GABRB2: variants seen among roughly 807,000 people sequenced by gnomAD.
GABRB2 encodes gamma-aminobutyric acid receptor subunit beta-2.
GABRB2 carries 16 observed loss-of-function variants against 54.7 expected under a neutral mutation model. The ratio of observed to expected loss-of-function variants is 0.29; its 90% CI spans 0.20 to 0.44. GABRB2 has a LOEUF of 0.44. GABRB2 is among the 20% of genes least tolerant of loss of function. GABRB2 has a pLI of 1.00. For missense variants in GABRB2, 355 were observed against 644.0 expected (o/e 0.55, Z 4.86); for synonymous variants, 244 against 233.8 (o/e 1.04, Z -0.40).
chr5:161,399,118 A>T (rs917623243), intron 5 of GABRB2, among the ~76,000 whole-genome samples: 2 of 152,212 alleles, frequency 1.3e-5, no homozygotes, highest in African/African-American at 4.8e-5. Context: ...CCAAGCAAAG[A>T]AATGTCCACT....
Position 161,546,375 on chromosome 5 carries a change from G to T in GABRB2, c.116C>A (p.Thr39Lys). The T allele has an allele frequency of 6.2e-7, 1 of 1,614,118 alleles. No individual in the cohort carries two copies. Among genetic ancestry groups the T allele is most frequent in the Non-Finnish European group, 8.5e-7 (1 of 1,179,992 alleles). Residue 39 changes from threonine (T) to lysine (K), a missense_variant, in exon 2 of 10, where the codon ACG becomes AAG. This residue lies in a region of GABRB2 where 42 missense variants were observed against 99.7 expected (regional missense o/e 0.42). Coordinates refer to ENST00000393959, the MANE Select transcript of GABRB2 (RefSeq NM_001371727.1). ...DPSNMSLVKE[T>K]VDRLLKGYDI... ...ATAGCCTTTCAGGAGTCTATCCACC[G>T]TCTCTTTAACCAGCGACATATTACT...
intron 3 of GABRB2, among the ~76,000 whole-genome samples, chr5:161,490,597 C>T (rs1759070430): frequency 6.6e-6 from 1 of 151,674 alleles, no homozygotes; most frequent in African/African-American, 2.4e-5. Flanking sequence ...TACTGTCTAC[C>T]CAGCCCATAA....
rs150909822 is a variant in GABRB2 at position 161,520,250 on chromosome 5, A to G, written c.237+24977T>C. 8.5e-4 allele frequency among the ~76,000 whole-genome samples: 129 copies of G among 152,268 alleles called. 1 individual carries two copies. Among genetic ancestry groups the G allele is most frequent in the African/African-American group, 2.9e-3 (120 of 41,570 alleles). On this transcript the variant is annotated intron_variant, in intron 3 of 9. Coordinates refer to ENST00000393959, the MANE Select transcript of GABRB2 (RefSeq NM_001371727.1). Reference sequence around the variant, plus strand: ...AGGTTAAGCGCTGTAGCTTATAACAACAGCTGGATGTCAGATTACTTGTGT... The same window carrying G: ...AGGTTAAGCGCTGTAGCTTATAACAGCAGCTGGATGTCAGATTACTTGTGT...
intron 3 of GABRB2, among the ~76,000 whole-genome samples, chr5:161,533,795 T>C (rs1030789511): frequency 2.6e-5 from 4 of 152,156 alleles, no homozygotes; most frequent in African/African-American, 4.8e-5. Context: ...TCAGTGGTAG[T>C]AGTGGTATGT....
chr5:161,462,788 A>G (rs567838354), intron 3 of GABRB2, among the ~76,000 whole-genome samples: 1 of 152,298 alleles, frequency 6.6e-6, no homozygotes, highest in Non-Finnish European at 1.5e-5. Flanking sequence ...TCAAATACAC[A>G]TCATGACACT....
chr5:161,449,907 A>C (rs531736064), intron 4 of GABRB2, among the ~76,000 whole-genome samples: 1 of 152,246 alleles, frequency 6.6e-6, no homozygotes, highest in Admixed American at 6.5e-5. Context: ...GGTGACTCAG[A>C]AGGTTCACTC....
At chr5:161,377,205 T>G (rs1755333066) in intron 5 of GABRB2, among the ~76,000 whole-genome samples, 1 of 152,080 alleles carries the variant, frequency 6.6e-6, no homozygotes, top group African/African-American at 2.4e-5. Context: ...GAGTTTTGAG[T>G]GTCTGTAGAA....
chr5:161,293,506 G>A lies in GABRB2; in HGVS notation c.*575C>T, dbSNP rs976791935. On this transcript the variant is annotated 3_prime_UTR_variant, in exon 10 of 10. Coordinates refer to ENST00000393959, the MANE Select transcript of GABRB2 (RefSeq NM_001371727.1). ...CTCAAGCAAAGGGACTGGCCAAATC[G>A]GTTTCCTGAGTCTCTGTCTTGATTC... is the stretch of plus-strand genomic sequence containing the variant. 1.3e-5 allele frequency: 2 copies of A among 152,424 alleles called. No individual in the cohort carries two copies. The highest frequency in any genetic ancestry group is 2.1e-4 in the South Asian group (1 of 4,838). The allele number at this position is 152,424 out of a possible 1,614,324, so 9.4% of individuals were successfully genotyped here. A position where few individuals can be genotyped will look rare whatever the true frequency, so the allele number is the denominator to read the frequency against.
intron 3 of GABRB2, among the ~76,000 whole-genome samples, chr5:161,520,612 G>A (rs1233856550): frequency 6.6e-6 from 1 of 152,032 alleles, no homozygotes; most frequent in Non-Finnish European, 1.5e-5. Context: ...CAGTTGAAGA[G>A]ATTGGGGCTC....
chr5:161,532,381 A>T (rs911518701), intron 3 of GABRB2, among the ~76,000 whole-genome samples: 1 of 152,060 alleles, frequency 6.6e-6, no homozygotes, highest in Non-Finnish European at 1.5e-5. Flanking sequence ...ATACATGATA[A>T]TGTTAGCTTC....
At position 161,330,921 on chromosome 5, in the gene GABRB2, T is replaced by C. The variant is rs780941452; in HGVS notation, c.1039A>G (p.Ser347Gly). The change falls in exon 8 of 10, where the codon AGT becomes GGT. Residue 347 changes from serine (S) to glycine (G), a missense_variant. Transcript: ENST00000393959. Reference protein sequence around the residue: ...RQKKAAEKAASANNEKMRLDV... With the variant: ...RQKKAAEKAAGANNEKMRLDV... ...AGGCGCATCTTCTCATTGTTGGCAC[T>C]GGCAGCCTTCTCAGCTGCTTTCTTT... 1 of 1,614,254 alleles carries C rather than the reference T, an allele frequency of 6.2e-7. No homozygotes were observed. Among genetic ancestry groups the C allele is most frequent in the Non-Finnish European group, 8.5e-7 (1 of 1,180,046 alleles).
At chr5:161,531,103 G>GT (rs1760447122) in intron 3 of GABRB2, among the ~76,000 whole-genome samples, 1 of 152,110 alleles carries the variant, frequency 6.6e-6, no homozygotes, top group South Asian at 2.1e-4. Context: ...TCTAAATTGT[G>GT]TTTTTTGGAG....
At chr5:161,420,828 T>C (rs547562495) in intron 4 of GABRB2, among the ~76,000 whole-genome samples, 6 of 152,312 alleles carry the variant, frequency 3.9e-5, no homozygotes, top group Non-Finnish European at 8.8e-5. Context: ...TGCAGAAGTG[T>C]ACTTAAAATC....
At chr5:161,394,833 C>T (rs2113054284) in intron 5 of GABRB2, among the ~76,000 whole-genome samples, 1 of 152,142 alleles carries the variant, frequency 6.6e-6, no homozygotes, top group South Asian at 2.1e-4. Flanking sequence ...GAAGATGGAT[C>T]ACTGTCCCCA....
chr5:161,333,830 T>G (rs1036796095), intron 7 of GABRB2, among the ~76,000 whole-genome samples: 1 of 152,170 alleles, frequency 6.6e-6, no homozygotes, highest in African/African-American at 2.4e-5. Flanking sequence ...CTGAGTGAAG[T>G]CGGCCCTAAT....
intron 4 of GABRB2, among the ~76,000 whole-genome samples, chr5:161,416,198 C>T (rs1405470856): frequency 6.6e-6 from 1 of 152,094 alleles, no homozygotes; most frequent in African/African-American, 2.4e-5. Context: ...TCTCGGCCTC[C>T]CTAAGTGTTG....
intron 3 of GABRB2, among the ~76,000 whole-genome samples, chr5:161,481,744 T>G (rs1431820328): frequency 6.6e-6 from 1 of 152,100 alleles, no homozygotes; most frequent in South Asian, 2.1e-4. Context: ...CATATACATC[T>G]TGACCCACAA....
intron 3 of GABRB2, among the ~76,000 whole-genome samples, chr5:161,504,791 G>A (rs1171245010): frequency 2.7e-5 from 4 of 146,594 alleles, no homozygotes; most frequent in African/African-American, 7.5e-5. Context: ...GATCCGAAAG[G>A]AATTAAAAAA....
intron 4 of GABRB2, among the ~76,000 whole-genome samples, chr5:161,441,433 A>G (rs898449959): frequency 2.0e-5 from 3 of 152,198 alleles, no homozygotes; most frequent in Admixed American, 6.5e-5. Context: ...AAAATGGCTT[A>G]TATCCAAAAG....
Sources: allele counts gnomAD v4.1 joint callset (sites outside exome capture counted in the v4.1 genomes callset), GRCh38; gene constraint gnomAD v4.1.1; regional missense constraint gnomAD v4.1.1; transcripts MANE v1.5; gene names NCBI Gene and HGNC (gene_info 2026-07-23, HGNC 2026-07-21).